The following NEK1 variants were observed in gnomAD, a reference collection of about 807,000 sequenced individuals.
NEK1 encodes serine/threonine-protein kinase Nek1.
Under a neutral mutation model 182.1 loss-of-function variants are expected in NEK1, and 137 were observed. The ratio of observed to expected loss-of-function variants is 0.75; its 90% CI spans 0.65 to 0.87. NEK1 has a LOEUF of 0.87. Among genes scored for constraint, NEK1 ranks in the 40% least tolerant of loss-of-function variants. The pLI, the probability that NEK1 is intolerant of heterozygous loss-of-function variation, is 0.00. For missense variants in NEK1, 1,391 were observed against 1,494.4 expected (o/e 0.93, Z 1.14); for synonymous variants, 513 against 492.2 (o/e 1.04, Z -0.56).
At chr4:169,424,191 A>C (rs1735965344) in intron 31 of NEK1, among the ~76,000 whole-genome samples, 1 of 152,206 alleles carries the variant, frequency 6.6e-6, no homozygotes, top group Non-Finnish European at 1.5e-5. Context: ...TTTTATATAC[A>C]AATTAGGCAA....
intron 26 of NEK1, 40 bp from the exon 27 acceptor site, chr4:169,463,435 G>A (rs756963578): frequency 1.3e-6 from 2 of 1,493,104 alleles, no homozygotes; most frequent in East Asian, 2.3e-5. Flanking sequence ...TTCAATAACA[G>A]TATAATAATA....
At chr4:169,595,574 CTTAT>C (rs1769297531) in intron 5 of NEK1, among the ~76,000 whole-genome samples, 1 of 151,958 alleles carries the variant, frequency 6.6e-6, no homozygotes, top group African/African-American at 2.4e-5. Flanking sequence ...CCTGGAGTGC[CTTAT>C]TTGAGATGAT....
In NEK1 at chr4:169,555,912, T is replaced by C. The variant is rs1376339901; in HGVS notation, c.1430+20A>G. 1 of 1,613,282 alleles carries C rather than the reference T, an allele frequency of 6.2e-7. No homozygotes were observed. The stretch of plus-strand genomic sequence containing the variant: ...TCTCAGAAGCAAAGCATAAGCAACT[T>C]CTGCAGAACATAGCCATACCTTTCT... On this transcript the variant is annotated intron_variant, in intron 17 of 35. Coordinates refer to ENST00000507142, the MANE Select transcript of NEK1 (RefSeq NM_001199397.3).
intron 29 of NEK1, among the ~76,000 whole-genome samples, chr4:169,433,330 G>A (rs932049673): frequency 3.9e-5 from 6 of 152,190 alleles, no homozygotes; most frequent in African/African-American, 1.4e-4. Flanking sequence ...AAATTGCTGG[G>A]ATTACAGGTG....
chr4:169,588,226 C>T (rs1237580002), intron 8 of NEK1, among the ~76,000 whole-genome samples: 1 of 152,074 alleles, frequency 6.6e-6, no homozygotes, highest in Admixed American at 6.6e-5. Context: ...GTTACCTTGC[C>T]TCTCTCTGCT....
intron 31 of NEK1, among the ~76,000 whole-genome samples, chr4:169,420,740 T>C (rs191570918): frequency 1.3e-5 from 2 of 151,696 alleles, no homozygotes; most frequent in East Asian, 3.9e-4. Context: ...AAACAAACAG[T>C]AGAGATAAAA....
intron 2 of NEK1, among the ~76,000 whole-genome samples, chr4:169,604,868 T>G (rs1771079714): frequency 6.6e-6 from 1 of 152,200 alleles, no homozygotes; most frequent in South Asian, 2.1e-4. Flanking sequence ...ACCATTATTA[T>G]AGCATTTTAG....
chr4:169,403,775 A>T (rs1732090800), intron 32 of NEK1, among the ~76,000 whole-genome samples: 1 of 152,162 alleles, frequency 6.6e-6, no homozygotes, highest in African/African-American at 2.4e-5. Context: ...ATCTTTTACT[A>T]AATGAGCACC....
chr4:169,483,701 C>T (rs911133479), intron 23 of NEK1, among the ~76,000 whole-genome samples: 1 of 151,824 alleles, frequency 6.6e-6, no homozygotes, highest in African/African-American at 2.4e-5. Context: ...CCTCTCTCTA[C>T]TAAAAATACA....
intron 2 of NEK1, among the ~76,000 whole-genome samples, chr4:169,608,308 G>A (rs890177189): frequency 6.6e-6 from 1 of 152,120 alleles, no homozygotes; most frequent in African/African-American, 2.4e-5. Flanking sequence ...TAATCATAGT[G>A]ACATTTCAAA....
At chr4:169,563,787 CA>C (rs1763287212) in intron 12 of NEK1, among the ~76,000 whole-genome samples, 1 of 152,068 alleles carries the variant, frequency 6.6e-6, no homozygotes, top group Non-Finnish European at 1.5e-5. Context: ...CTTTTAAAAA[CA>C]AAAGTTAGTG....
chr4:169,460,108 C>CTG (rs1444850164), intron 27 of NEK1, among the ~76,000 whole-genome samples: 2 of 152,028 alleles, frequency 1.3e-5, no homozygotes, highest in East Asian at 3.9e-4. Flanking sequence ...GTGGGGGAGG[C>CTG]TGTGTGTGTA....
chr4:169,439,166 T>C (rs1309420110), intron 27 of NEK1, among the ~76,000 whole-genome samples: 2 of 152,234 alleles, frequency 1.3e-5, no homozygotes, highest in African/African-American at 4.8e-5. Context: ...CAATTTTGCA[T>C]AAATTCAATT....
intron 11 of NEK1, among the ~76,000 whole-genome samples, chr4:169,580,222 T>C (rs939450315): frequency 1.3e-5 from 2 of 152,046 alleles, no homozygotes; most frequent in African/African-American, 2.4e-5. Flanking sequence ...TACAACTGGG[T>C]GCGGTGGCTC....
chr4:169,482,469 C>A (rs1046140095), intron 23 of NEK1, among the ~76,000 whole-genome samples: 1 of 150,892 alleles, frequency 6.6e-6, no homozygotes, highest in African/African-American at 2.4e-5. Flanking sequence ...ATTTTTCTTT[C>A]TTTCTTTCTT....
At chr4:169,452,007 T>G (rs560784018) in intron 27 of NEK1, among the ~76,000 whole-genome samples, 33 of 152,276 alleles carry the variant, frequency 2.2e-4, no homozygotes, top group Non-Finnish European at 3.8e-4. Context: ...TATAAACACC[T>G]CTATGCAGAT....
chr4:169,427,224 T>A (rs1257081822), intron 29 of NEK1, among the ~76,000 whole-genome samples: 1 of 151,970 alleles, frequency 6.6e-6, no homozygotes, highest in African/African-American at 2.4e-5. Context: ...CCTCCTGGGT[T>A]CACTCCATTC....
At chr4:169,545,447 T>A (rs1289046841) in intron 18 of NEK1, among the ~76,000 whole-genome samples, 1 of 150,662 alleles carries the variant, frequency 6.6e-6, no homozygotes, top group African/African-American at 2.5e-5. Context: ...ATCCAGTCTA[T>A]CATTGTTGGA....
chr4:169,610,389 C>A (rs1471310300), intron 2 of NEK1, among the ~76,000 whole-genome samples: 1 of 152,064 alleles, frequency 6.6e-6, no homozygotes, highest in Non-Finnish European at 1.5e-5. Context: ...TCTCGGCTCA[C>A]TGCAACCTCT....
Sources: allele counts gnomAD v4.1 joint callset (sites outside exome capture counted in the v4.1 genomes callset), GRCh38; gene constraint gnomAD v4.1.1; transcripts MANE v1.5; gene names NCBI Gene and HGNC (gene_info 2026-07-23, HGNC 2026-07-21).